The following WRAP73 variants were observed in gnomAD, a reference collection of about 807,000 sequenced individuals.
WRAP73 encodes WD repeat-containing protein WRAP73.
In WRAP73, 55 loss-of-function variants were observed where a neutral mutation model predicts 59.6. The ratio of observed to expected loss-of-function variants is 0.92; its 90% confidence interval spans 0.74 to 1.15. The LOEUF is 1.15. Ranked by LOEUF, WRAP73 falls within the 50% of genes most tolerant of loss-of-function variation. The pLI, the probability that WRAP73 is intolerant of heterozygous loss-of-function variation, is 0.00. For missense variants in WRAP73, 592 were observed against 608.1 expected (o/e 0.97, Z 0.28); for synonymous variants, 265 against 258.2 (o/e 1.03, Z -0.25).
intron 8 of WRAP73, chr1:3,633,731 G>A (rs1644562500): frequency 3.9e-6 from 2 of 509,292 alleles, no homozygotes; most frequent in South Asian, 2.8e-5. Flanking sequence ...TTGAGACACA[G>A]GCAGCAAATG....
Position 3,630,968 on chromosome 1 carries a change from A to T in WRAP73, c.*7T>A. The T allele has an allele frequency of 1.2e-6, 2 of 1,612,134 alleles. No homozygotes were observed. The highest frequency in any genetic ancestry group is 1.7e-6 in the Non-Finnish European group (2 of 1,179,518). ...GCCCTGTTTCTGCACACGTTAGTGCACCGCTGCTACGTGTGGCCGCCCAGC... is the reference window on the plus strand; with the variant it reads ...GCCCTGTTTCTGCACACGTTAGTGCTCCGCTGCTACGTGTGGCCGCCCAGC... On this transcript the variant is annotated 3_prime_UTR_variant, in exon 12 of 12. Coordinates refer to ENST00000270708, the MANE Select transcript of WRAP73 (RefSeq NM_017818.4).
chr1:3,631,181 C>A (rs915144917), intron 11 of WRAP73, 64 bp from the exon 12 acceptor site: 1 of 1,602,340 alleles, frequency 6.2e-7, no homozygotes, highest in African/African-American at 1.3e-5. Flanking sequence ...GGGATGGGCA[C>A]CCCCTTGTCC....
rs1245417714 is a variant in WRAP73, at chr1:3,646,788, T to C, written c.223-6A>G. 4 of 1,609,104 alleles carry C rather than the reference T, an allele frequency of 2.5e-6. No homozygotes were observed. The highest frequency in any genetic ancestry group is 1.7e-5 in the Admixed American group (1 of 58,480). On this transcript the variant is annotated splice_polypyrimidine_tract_variant and splice_region_variant and intron_variant, in intron 2 of 11. Coordinates refer to ENST00000270708, the MANE Select transcript of WRAP73 (RefSeq NM_017818.4). This position sits in a 1 kb window ranked among gnomAD's most constrained non-coding sequence, Gnocchi z 5.1. The stretch of plus-strand genomic sequence containing the variant: ...GGCTGCTCTAAAGACCAGACCTGGA[T>C]TGAGAGAAGAAAGAAACACACAAGT...
At position 3,634,822 on chromosome 1, in the gene WRAP73, G is replaced by A. The variant is rs1168102028; in HGVS notation, c.816+175C>T. On this transcript the variant is annotated intron_variant, in intron 8 of 11. Coordinates refer to ENST00000270708, the MANE Select transcript of WRAP73 (RefSeq NM_017818.4). ...AGACCCTTTGGGCAGCGTGGAGGAG[G>A]AAGAACAAAGGCCAGGGCAGGGCCA... is the stretch of plus-strand genomic sequence containing the variant. The A allele has an allele frequency of 8.8e-6, 7 of 795,490 alleles. No individual in the cohort carries two copies. In the East Asian group the frequency reaches 1.8e-4, roughly 20 times the overall value. 49.3% of individuals were successfully genotyped at this position (795,490 alleles called of 1,614,324 possible).
intron 6 of WRAP73, chr1:3,635,639 G>A (rs1644582820): frequency 1.3e-5 from 6 of 474,678 alleles, no homozygotes; most frequent in South Asian, 4.8e-5. Context: ...TGGGCAACAC[G>A]GTGAAACCCC....
chr1:3,640,121 T>C (rs1410421453), intron 3 of WRAP73, among the ~76,000 whole-genome samples: 1 of 152,208 alleles, frequency 6.6e-6, no homozygotes, highest in Non-Finnish European at 1.5e-5. Context: ...AGGTAGTGGA[T>C]CAACGAGCTC....
chr1:3,645,691 C>A (rs981646934), intron 3 of WRAP73, among the ~76,000 whole-genome samples: 9 of 152,202 alleles, frequency 5.9e-5, no homozygotes, highest in African/African-American at 1.9e-4. Context: ...AAAGACACTG[C>A]GGACACCAAA....
At chr1:3,631,335 G>A (rs956517360) in intron 11 of WRAP73, 131 bp downstream of exon 11, 10 of 1,343,098 alleles carry the variant, frequency 7.4e-6, no homozygotes, top group Middle Eastern at 1.8e-4. Flanking sequence ...TGAGGTTTAC[G>A]CAAAGACTCT....
Position 3,643,055 on chromosome 1 carries a change from C to T in WRAP73, c.339+3611G>A, listed in dbSNP as rs56280155. ...GCTCTCCGGGTATGTGCCCAGGAGA[C>T]GGGGACAACACGTTCACAGCCACAC... On this transcript the variant is annotated intron_variant, in intron 3 of 11. Coordinates refer to ENST00000270708, the MANE Select transcript of WRAP73 (RefSeq NM_017818.4). Among the ~76,000 whole-genome samples the T allele has an allele frequency of 3.9e-3, 599 of 152,302 alleles. 6 individuals carry two copies. The highest frequency in any genetic ancestry group is 0.014 in the African/African-American group (569 of 41,556).
intron 3 of WRAP73, among the ~76,000 whole-genome samples, chr1:3,645,351 CGGG>C (rs1644678828): frequency 9.9e-6 from 1 of 101,202 alleles, no homozygotes; most frequent in Non-Finnish European, 2.4e-5. Flanking sequence ...AGCGGCGCAG[CGGG>C]ATGGGCGGGT....
At chr1:3,631,811 C>T in intron 10 of WRAP73, 154 bp from the exon 11 acceptor site, 3 of 1,427,634 alleles carry the variant, frequency 2.1e-6, no homozygotes, top group Non-Finnish European at 2.7e-6. Context: ...CAGTTGGGCC[C>T]TGTAGGGCTC....
rs1644619152 is a variant in WRAP73, at chr1:3,639,564, C to G, written c.340-742G>C. 1 of 152,304 alleles carries G rather than the reference C, an allele frequency of 6.6e-6. No individual in the cohort carries two copies. Among genetic ancestry groups the G allele is most frequent in the African/African-American group, 2.4e-5 (1 of 41,466 alleles). The allele number at this position is 152,304 out of a possible 1,614,324, so 9.4% of individuals were successfully genotyped here. ...CGGGACTTCCAGGGCTGCTGTGTCC[C>G]TCCACCTGCATTTCCCACTGAGACC... On this transcript the variant is annotated intron_variant, in intron 3 of 11. Coordinates refer to ENST00000270708, the MANE Select transcript of WRAP73 (RefSeq NM_017818.4). The surrounding 1 kb of genome is among the most constrained non-coding windows in gnomAD (Gnocchi z 4.3).
chr1:3,632,397 C>T (rs955294023), intron 9 of WRAP73, 59 bp from the exon 10 acceptor site: 7 of 1,612,236 alleles, frequency 4.3e-6, no homozygotes, highest in Non-Finnish European at 5.9e-6. Flanking sequence ...ACGCACGCGG[C>T]TGAGAGGCTG....
intron 1 of WRAP73, among the ~76,000 whole-genome samples, chr1:3,648,388 A>G (rs1245899655): frequency 6.6e-6 from 1 of 152,226 alleles, no homozygotes; most frequent in African/African-American, 2.4e-5. Context: ...TTATGAACCG[A>G]TATCAAAAAA....
In WRAP73 at chr1:3,650,007, G is replaced by A. The variant is rs368577836; in HGVS notation, c.-8C>T. Reference sequence around the variant, plus strand: ...TACCTCGGAGAAGTTCATGGCCGCCGCCTGCCGCGGGCGCCACCCTGCGCC... The same window carrying A: ...TACCTCGGAGAAGTTCATGGCCGCCACCTGCCGCGGGCGCCACCCTGCGCC... On this transcript the variant is annotated 5_prime_UTR_variant, in exon 1 of 12. Transcript: ENST00000270708. 493 of 1,582,318 alleles carry A rather than the reference G, an allele frequency of 3.1e-4. No individual in the cohort carries two copies. In the African/African-American group the frequency reaches 3.7e-3, roughly 12 times the overall value.
chr1:3,633,309 T>TA, intron 9 of WRAP73, 89 bp downstream of exon 9: 2 of 1,297,718 alleles, frequency 1.5e-6, no homozygotes, highest in Admixed American at 1.9e-5. Flanking sequence ...TTTTTTTTTT[T>TA]AAACATAAGG....
chr1:3,638,425 G>A (rs111433926), intron 4 of WRAP73, among the ~76,000 whole-genome samples: 5,095 of 152,310 alleles, frequency 0.033, 280 homozygotes, highest in African/African-American at 0.11. Flanking sequence ...AACAGGCATC[G>A]GCTGGAAGGG....
Position 3,631,666 on chromosome 1 carries a change from G to A in WRAP73, c.1049-9C>T. Reference sequence around the variant, plus strand: ...GGCATTGGGAATGTTGTCTGAGGAAGGAAGGACAGGGCACCGGTGTCATCC... The same window carrying A: ...GGCATTGGGAATGTTGTCTGAGGAAAGAAGGACAGGGCACCGGTGTCATCC... On this transcript the variant is annotated splice_polypyrimidine_tract_variant and intron_variant, in intron 10 of 11. Transcript: ENST00000270708. 1 of 1,583,942 alleles carries A rather than the reference G, an allele frequency of 6.3e-7. No homozygotes were observed.
chr1:3,649,829 A>T, intron 1 of WRAP73, 102 bp downstream of exon 1: 1 of 1,298,148 alleles, frequency 7.7e-7, no homozygotes, highest in Non-Finnish European at 1.1e-6. Flanking sequence ...CACCTGCAGG[A>T]TCCCCAAGCT....
Sources: gnomAD v4.1 joint callset for allele counts (sites outside exome capture counted in the v4.1 genomes callset) on GRCh38, gnomAD v4.1.1 for gene constraint, Gnocchi (gnomAD v3.1) non-coding constraint, MANE v1.5 for transcripts, NCBI Gene and HGNC (gene_info 2026-07-23, HGNC 2026-07-21) for gene names.